FHIT: variants seen among roughly 807,000 people sequenced by gnomAD.
The protein encoded by FHIT is fragile histidine triad diadenosine triphosphatase.
Under a neutral mutation model 17.9 loss-of-function variants are expected in FHIT, and 19 were observed. The ratio of observed to expected loss-of-function variants is 1.06; its 90% CI spans 0.74 to 1.56. The LOEUF (loss-of-function observed/expected upper bound fraction) is 1.56, where lower values mean the gene tolerates loss of function less well. Among genes scored for constraint, FHIT ranks in the 40% most tolerant of loss-of-function variants. The pLI is 0.00. For synonymous variants in FHIT, 81 were observed against 69.7 expected (o/e 1.16, Z -0.81); for missense variants, 248 against 189.2 (o/e 1.31, Z -1.82).
intron 1 of FHIT, among the ~76,000 whole-genome samples, chr3:61,238,410 G>C (rs2040284775): frequency 6.6e-6 from 1 of 152,194 alleles, no homozygotes; most frequent in African/African-American, 2.4e-5. Context: ...CCCTGCATAA[G>C]GACCAGGTGC....
intron 5 of FHIT, among the ~76,000 whole-genome samples, chr3:60,142,892 CAAGAT>C (rs1700098851): frequency 6.6e-6 from 1 of 151,876 alleles, no homozygotes; most frequent in Non-Finnish European, 1.5e-5. Flanking sequence ...TAAGAATTAA[CAAGAT>C]AAGAATATTT....
Position 60,139,353 on chromosome 3 carries a change from A to C in FHIT, c.104-125201T>G, listed in dbSNP as rs923149796. Among the ~76,000 whole-genome samples the C allele has an allele frequency of 2.0e-5, 3 of 150,910 alleles. No individual in the cohort carries two copies. The Admixed American group carries it at 2.0e-4, about 10-fold the overall frequency. On this transcript the variant is annotated intron_variant, in intron 5 of 9. Transcript: ENST00000492590. The stretch of plus-strand genomic sequence containing the variant: ...GCCAAGTATATGAGTAAATGCACAG[A>C]AACATGACAGACTAATTTAACCAGA...
chr3:60,667,373 T>G (rs1553692715), intron 4 of FHIT, among the ~76,000 whole-genome samples: 1 of 152,124 alleles, frequency 6.6e-6, no homozygotes. Flanking sequence ...CTCTCTTATC[T>G]CTAATTAACA....
chr3:60,406,431 GC>G (rs1462942312), intron 5 of FHIT, among the ~76,000 whole-genome samples: 2 of 152,110 alleles, frequency 1.3e-5, no homozygotes, highest in African/African-American at 4.8e-5. Context: ...TGCTAGCCTG[GC>G]AGACCACTGG....
At chr3:60,436,065 T>C (rs1160321362) in intron 5 of FHIT, among the ~76,000 whole-genome samples, 3 of 152,018 alleles carry the variant, frequency 2.0e-5, no homozygotes, top group Non-Finnish European at 4.4e-5. Flanking sequence ...CTTTTTGAGA[T>C]GGAGTTTCGC....
chr3:61,092,271 G>C (rs1244483447), intron 2 of FHIT, among the ~76,000 whole-genome samples: 1 of 152,066 alleles, frequency 6.6e-6, no homozygotes, highest in East Asian at 1.9e-4. Flanking sequence ...TCAAAGAAGA[G>C]GAGTACAGAT....
chr3:60,571,226 C>T (rs1352264279), intron 4 of FHIT, among the ~76,000 whole-genome samples: 1 of 149,092 alleles, frequency 6.7e-6, no homozygotes, highest in Non-Finnish European at 1.5e-5. Flanking sequence ...ATCCCAGCTA[C>T]TCGGGAGACT....
intron 4 of FHIT, among the ~76,000 whole-genome samples, chr3:60,645,262 T>C (rs541780331): frequency 1.4e-4 from 21 of 152,228 alleles, no homozygotes; most frequent in Admixed American, 1.2e-3. Context: ...TGGGAAATAT[T>C]GGCCACTTCG....
intron 5 of FHIT, among the ~76,000 whole-genome samples, chr3:60,333,303 G>A (rs1031335356): frequency 3.3e-5 from 5 of 152,122 alleles, no homozygotes; most frequent in African/African-American, 9.7e-5. Flanking sequence ...GGAAACAAAG[G>A]TATCATTTGA....
intron 5 of FHIT, among the ~76,000 whole-genome samples, chr3:60,051,782 T>G (rs1171927978): frequency 6.6e-6 from 1 of 152,048 alleles, no homozygotes; most frequent in African/African-American, 2.4e-5. Flanking sequence ...ATTCTACTTG[T>G]GAGCAAGGAA....
At chr3:59,787,500 A>G (rs1369287585) in intron 8 of FHIT, among the ~76,000 whole-genome samples, 3 of 150,568 alleles carry the variant, frequency 2.0e-5, no homozygotes, top group Non-Finnish European at 4.4e-5. Context: ...ACACACACAC[A>G]CACACACACA....
intron 5 of FHIT, among the ~76,000 whole-genome samples, chr3:60,478,378 G>A (rs926717078): frequency 2.0e-5 from 3 of 152,246 alleles, no homozygotes; most frequent in Admixed American, 6.5e-5. Flanking sequence ...CAAGGGAAAC[G>A]GAATCAAGCA....
chr3:60,413,853 T>G (rs1361269390), intron 5 of FHIT, among the ~76,000 whole-genome samples: 3 of 152,240 alleles, frequency 2.0e-5, no homozygotes, highest in African/African-American at 7.2e-5. Flanking sequence ...TTTGTTTAAA[T>G]ATTTATTTAA....
rs932984536 is a variant in FHIT, at chr3:60,159,458, C to A, written c.104-145306G>T. Among the ~76,000 whole-genome samples, 7 of 152,160 alleles carry A rather than the reference C, an allele frequency of 4.6e-5. No individual in the cohort carries two copies. The South Asian group carries it at 1.5e-3, about 32-fold the overall frequency. On this transcript the variant is annotated intron_variant, in intron 5 of 9. Transcript: ENST00000492590. The stretch of plus-strand genomic sequence containing the variant: ...TTATATAGAAAGGGTAAGATTCTCT[C>A]CCCCATACATATCCTCACAAGCCAA...
At chr3:59,791,682 G>A (rs983874599) in intron 8 of FHIT, among the ~76,000 whole-genome samples, 5 of 152,094 alleles carry the variant, frequency 3.3e-5, no homozygotes, top group African/African-American at 1.2e-4. Flanking sequence ...CCAATGCTGA[G>A]TATAGGCCTT....
rs1244852068 is a variant in FHIT at position 60,112,810 on chromosome 3, C to T, written c.104-98658G>A. 2.6e-5 allele frequency among the ~76,000 whole-genome samples: 4 copies of T among 152,166 alleles called. No individual in the cohort carries two copies. In the South Asian group the frequency reaches 6.2e-4, roughly 24 times the overall value. ...TGGAAGCAAGCAGCAATCAAGGCTG[C>T]CACAGCCTTTGATATGTTCTAACAG... On this transcript the variant is annotated intron_variant, in intron 5 of 9. Transcript: ENST00000492590.
chr3:60,506,860 G>T (rs972571866), intron 5 of FHIT, among the ~76,000 whole-genome samples: 1 of 152,170 alleles, frequency 6.6e-6, no homozygotes, highest in South Asian at 2.1e-4. Flanking sequence ...TGATGTTGTT[G>T]TAAACTACCA....
At chr3:60,732,497 C>T in intron 4 of FHIT, 1 of 685,750 alleles carries the variant, frequency 1.5e-6, no homozygotes, top group South Asian at 1.4e-5. Context: ...ACCCTCACAC[C>T]CAAATCCTTT....
chr3:61,014,622 A>G (rs570453326), intron 3 of FHIT, among the ~76,000 whole-genome samples: 44 of 151,262 alleles, frequency 2.9e-4, no homozygotes, highest in African/African-American at 1.0e-3. Context: ...TACTAAAAAT[A>G]CAAAAAAATT....
Sources: allele counts gnomAD v4.1 joint callset (sites outside exome capture counted in the v4.1 genomes callset), GRCh38; gene constraint gnomAD v4.1.1; transcripts MANE v1.5; gene names NCBI Gene and HGNC (gene_info 2026-07-23, HGNC 2026-07-21).